FRMD5: variants seen among roughly 807,000 people sequenced by gnomAD.
FRMD5 encodes FERM domain containing 5.
In FRMD5, 20 loss-of-function variants were observed where a neutral mutation model predicts 69.0. The ratio of observed to expected loss-of-function variants is 0.29; its 90% CI spans 0.20 to 0.42. The LOEUF is 0.42. FRMD5 is among the 10% of genes least tolerant of loss of function. The pLI, the probability that FRMD5 is intolerant of heterozygous loss-of-function variation, is 1.00. For synonymous variants in FRMD5, 271 were observed against 260.1 expected, an observed-to-expected ratio of 1.04 and a Z score of -0.40; for missense variants, 595 against 708.6, an observed-to-expected ratio of 0.84 and a Z score of 1.82.
chr15:43,999,982 A>ATATATATATGCCATGCATATATATCTC, intron 1 of FRMD5, among the ~76,000 whole-genome samples: 1 of 101,908 alleles, frequency 9.8e-6, no homozygotes, highest in Non-Finnish European at 1.9e-5. Context: ...ATATATATAT[A>ATATATATATGCCATGCATATATATCTC]TATATATGTG....
chr15:44,189,085 T>C (rs1595572711), intron 1 of FRMD5, among the ~76,000 whole-genome samples: 2 of 152,298 alleles, frequency 1.3e-5, no homozygotes, highest in East Asian at 3.9e-4. Flanking sequence ...AGGATCTCTT[T>C]AGAGAACTTG....
intron 1 of FRMD5, among the ~76,000 whole-genome samples, chr15:43,981,323 T>A (rs1352245970): frequency 1.3e-5 from 2 of 152,084 alleles, no homozygotes; most frequent in Non-Finnish European, 2.9e-5. Flanking sequence ...GAAAAAAAAA[T>A]TATTAAGAAA....
chr15:43,879,711 C>A (rs1217006901), intron 13 of FRMD5: 1 of 398,928 alleles, frequency 2.5e-6, no homozygotes, highest in East Asian at 3.6e-5. Context: ...TGGAAACCAG[C>A]TGATCTCTTC....
At chr15:44,046,369 T>C (rs1481053212) in intron 1 of FRMD5, among the ~76,000 whole-genome samples, 1 of 152,172 alleles carries the variant, frequency 6.6e-6, no homozygotes, top group African/African-American at 2.4e-5. Context: ...AAAAAATAAT[T>C]TTGATGACAA....
At chr15:44,144,773 A>G (rs780802608) in intron 1 of FRMD5, among the ~76,000 whole-genome samples, 16 of 152,218 alleles carry the variant, frequency 1.1e-4, no homozygotes, top group Non-Finnish European at 2.4e-4. Context: ...AAATTCTTCC[A>G]GAAGGGGGAA....
At chr15:43,898,967 A>T (rs151330483) in intron 7 of FRMD5, among the ~76,000 whole-genome samples, 2 of 152,344 alleles carry the variant, frequency 1.3e-5, no homozygotes, top group African/African-American at 4.8e-5. Flanking sequence ...GAAGAACAGC[A>T]GCTTCTTAAT....
intron 1 of FRMD5, among the ~76,000 whole-genome samples, chr15:44,160,674 T>G (rs1260540587): frequency 6.6e-6 from 1 of 152,220 alleles, no homozygotes; most frequent in Non-Finnish European, 1.5e-5. Context: ...TTCAACCACC[T>G]ATTGTTGGAT....
chr15:43,911,395 C>A (rs1278950197), intron 4 of FRMD5, among the ~76,000 whole-genome samples: 1 of 152,222 alleles, frequency 6.6e-6, no homozygotes, highest in Non-Finnish European at 1.5e-5. Context: ...GTTGCTTCAG[C>A]AGTCCTATAG....
rs2088182550 is a variant in FRMD5 at position 43,872,364 on chromosome 15, G to A, written c.*1521C>T. On this transcript the variant is annotated 3_prime_UTR_variant, in exon 14 of 14. Coordinates refer to ENST00000417257, the MANE Select transcript of FRMD5 (RefSeq NM_032892.5). ...TTGGGGCTGTCCAATTAGGGTATCA[G>A]CAGCTGCTCTACTTTTGTGTGGGTC... 6.6e-6 allele frequency: 1 copy of A among 152,194 alleles called. No homozygotes were observed. Among genetic ancestry groups the A allele is most frequent in the South Asian group, 2.1e-4 (1 of 4,834 alleles). The allele number at this position is 152,194 out of a possible 1,614,324, so 9.4% of individuals were successfully genotyped here.
chr15:43,964,512 C>A (rs769817000), intron 1 of FRMD5, among the ~76,000 whole-genome samples: 93 of 143,960 alleles, frequency 6.5e-4, no homozygotes, highest in Middle Eastern at 3.7e-3. Context: ...AAAAAAAAAA[C>A]AAAAGAAAAG....
intron 7 of FRMD5, among the ~76,000 whole-genome samples, chr15:43,900,661 AG>A (rs1190136524): frequency 1.4e-5 from 2 of 144,044 alleles, no homozygotes; most frequent in East Asian, 4.1e-4. Flanking sequence ...TCTGTCACCC[AG>A]GCTGGAGTGC....
At chr15:43,909,768 C>T (rs1235350973) in intron 5 of FRMD5, 114 bp downstream of exon 5, 1 of 622,630 alleles carries the variant, frequency 1.6e-6, no homozygotes, top group Non-Finnish European at 2.8e-6. Flanking sequence ...GCGTGAGCCA[C>T]AGCACCTGGC....
At chr15:44,123,106 A>T (rs1351510866) in intron 1 of FRMD5, among the ~76,000 whole-genome samples, 1 of 152,074 alleles carries the variant, frequency 6.6e-6, no homozygotes, top group Non-Finnish European at 1.5e-5. Flanking sequence ...GCACTTTGGG[A>T]GGCCAAGGTG....
intron 1 of FRMD5, among the ~76,000 whole-genome samples, chr15:44,118,730 G>A (rs1337661435): frequency 2.6e-5 from 4 of 152,142 alleles, no homozygotes; most frequent in East Asian, 3.9e-4. Flanking sequence ...GATGGGATTC[G>A]AAAGGTATAA....
chr15:44,043,505 C>T (rs779768007), intron 1 of FRMD5, among the ~76,000 whole-genome samples: 2 of 152,102 alleles, frequency 1.3e-5, no homozygotes, highest in East Asian at 1.9e-4. Context: ...GGAGGCATCA[C>T]GCTACCTGAC....
intron 1 of FRMD5, among the ~76,000 whole-genome samples, chr15:43,944,482 C>T (rs1362164578): frequency 2.0e-5 from 3 of 152,042 alleles, no homozygotes; most frequent in Admixed American, 6.5e-5. Context: ...AGTGCAGTGG[C>T]GCAATCTCTG....
In FRMD5 at chr15:43,893,135, A is replaced by C. The variant is rs555597934; in HGVS notation, c.640-1066T>G. On this transcript the variant is annotated intron_variant, in intron 7 of 13. Coordinates refer to ENST00000417257, the MANE Select transcript of FRMD5 (RefSeq NM_032892.5). ...ACAAAACAAACGAAAAAACAAAAAA[A>C]AAAAAAAACATTTTATGGTATGTGA... 1.4e-3 allele frequency among the ~76,000 whole-genome samples: 210 copies of C among 152,004 alleles called. 1 individual carries two copies. The highest frequency in any genetic ancestry group is 6.8e-3 in the Middle Eastern group (2 of 294).
At chr15:43,896,715 C>T (rs1567216515) in intron 7 of FRMD5, among the ~76,000 whole-genome samples, 2 of 152,258 alleles carry the variant, frequency 1.3e-5, no homozygotes, top group East Asian at 1.9e-4. Context: ...CTGGGTGTGA[C>T]TGAGTAGGCA....
At chr15:43,918,182 T>G (rs1361220383) in intron 4 of FRMD5, among the ~76,000 whole-genome samples, 1 of 152,122 alleles carries the variant, frequency 6.6e-6, no homozygotes, top group African/African-American at 2.4e-5. Flanking sequence ...TCCCAGCACT[T>G]TGGGAGGCTG....
Sources: gnomAD v4.1 joint callset for allele counts (sites outside exome capture counted in the v4.1 genomes callset) on GRCh38, gnomAD v4.1.1 for gene constraint, MANE v1.5 for transcripts, NCBI Gene and HGNC (gene_info 2026-07-23, HGNC 2026-07-21) for gene names.